Variants in DPYD observed in about 807,000 individuals in gnomAD.
The protein encoded by DPYD is dihydropyrimidine dehydrogenase [NADP(+)].
In DPYD, 109 loss-of-function variants were observed where a neutral mutation model predicts 116.2. The observed-to-expected ratio is 0.94, with a 90% confidence interval of 0.80 to 1.10. DPYD has a LOEUF of 1.10. DPYD is among the 50% of genes least tolerant of loss of function. DPYD has a pLI of 0.00. For missense variants in DPYD, 1,302 were observed against 1,254.5 expected (o/e 1.04, Z -0.57); for synonymous variants, 440 against 432.0 (o/e 1.02, Z -0.23).
At chr1:97,354,862 C>T (rs983345377) in intron 16 of DPYD, among the ~76,000 whole-genome samples, 5 of 152,172 alleles carry the variant, frequency 3.3e-5, no homozygotes, top group Non-Finnish European at 7.4e-5. Context: ...CCATGTATCA[C>T]ATTAATCACA....
intron 13 of DPYD, among the ~76,000 whole-genome samples, chr1:97,493,052 C>A (rs879283383): frequency 1.1e-4 from 17 of 152,202 alleles, no homozygotes; most frequent in Admixed American, 5.2e-4. Context: ...TTCTCCCTCA[C>A]TCATCTGTGA....
At chr1:97,624,405 A>G (rs1656803049) in intron 8 of DPYD, among the ~76,000 whole-genome samples, 1 of 152,104 alleles carries the variant, frequency 6.6e-6, no homozygotes, top group African/African-American at 2.4e-5. Flanking sequence ...GGAAATACAA[A>G]TTAAAACAAT....
chr1:97,244,690 AC>A (rs1461097717), intron 18 of DPYD, among the ~76,000 whole-genome samples: 1 of 152,042 alleles, frequency 6.6e-6, no homozygotes, highest in African/African-American at 2.4e-5. Flanking sequence ...TATGTATAAT[AC>A]CTTCATTGTA....
At chr1:97,358,926 C>T (rs530024189) in intron 16 of DPYD, among the ~76,000 whole-genome samples, 2 of 152,146 alleles carry the variant, frequency 1.3e-5, no homozygotes, top group East Asian at 1.9e-4. Context: ...CACAGCTCCT[C>T]GGCAGCAACA....
At position 97,535,824 on chromosome 1, in the gene DPYD, T is replaced by G. The variant is rs186533717; in HGVS notation, c.1524+13736A>C. Among the ~76,000 whole-genome samples, 5 of 152,290 alleles carry G rather than the reference T, an allele frequency of 3.3e-5. No homozygotes were observed. In the East Asian group the frequency reaches 9.7e-4, roughly 29 times the overall value. ...TAGAACATATGGATGTTACAAAAAA[T>G]AAATTCTCCTTTACAAACAAAAACC... is the stretch of plus-strand genomic sequence containing the variant. On this transcript the variant is annotated intron_variant, in intron 12 of 22. Coordinates refer to ENST00000370192, the MANE Select transcript of DPYD (RefSeq NM_000110.4).
intron 8 of DPYD, among the ~76,000 whole-genome samples, chr1:97,668,659 G>A (rs909892322): frequency 6.6e-6 from 1 of 151,974 alleles, no homozygotes; most frequent in Non-Finnish European, 1.5e-5. Flanking sequence ...AAGAGAAGTG[G>A]AAAAATACCT....
intron 20 of DPYD, among the ~76,000 whole-genome samples, chr1:97,137,149 G>A (rs1653870612): frequency 6.6e-6 from 1 of 152,176 alleles, no homozygotes. Flanking sequence ...TGTTGCTGTG[G>A]AACAGCAGGC....
At chr1:97,786,678 T>TGTG (rs1667054665) in intron 3 of DPYD, among the ~76,000 whole-genome samples, 3 of 152,238 alleles carry the variant, frequency 2.0e-5, no homozygotes, top group Non-Finnish European at 1.5e-5. Flanking sequence ...AGAGCAGCAC[T>TGTG]ATTTTTAGGC....
chr1:97,839,419 C>T (rs11165918), intron 2 of DPYD, among the ~76,000 whole-genome samples: 148,178 of 152,218 alleles, frequency 0.97, 72,246 homozygotes, highest in East Asian at 1. Context: ...TATGTTGCAG[C>T]TTTTTGTGTG....
intron 16 of DPYD, among the ~76,000 whole-genome samples, chr1:97,312,684 A>G (rs1021569489): frequency 1.3e-5 from 2 of 151,870 alleles, no homozygotes; most frequent in African/African-American, 4.8e-5. Context: ...TTTAAAATAT[A>G]AATATGTACA....
intron 2 of DPYD, among the ~76,000 whole-genome samples, chr1:97,840,033 C>G (rs919578063): frequency 9.2e-5 from 14 of 152,060 alleles, no homozygotes; most frequent in African/African-American, 2.7e-4. Context: ...AATATATTCT[C>G]AATAATTTTC....
At chr1:97,298,596 C>G (rs1216454007) in intron 18 of DPYD, among the ~76,000 whole-genome samples, 1 of 151,672 alleles carries the variant, frequency 6.6e-6, no homozygotes, top group Non-Finnish European at 1.5e-5. Context: ...GTTTCAAGAT[C>G]TTCAACTACG....
chr1:97,377,841 A>G (rs182033054), intron 15 of DPYD, among the ~76,000 whole-genome samples: 1 of 152,184 alleles, frequency 6.6e-6, no homozygotes, highest in Non-Finnish European at 1.5e-5. Context: ...AGCGGAGCAG[A>G]GCCAGAAGGA....
At chr1:97,241,375 T>C (rs949473220) in intron 18 of DPYD, among the ~76,000 whole-genome samples, 3 of 152,008 alleles carry the variant, frequency 2.0e-5, no homozygotes, top group Non-Finnish European at 4.4e-5. Context: ...CTGTGTACTT[T>C]AACCCTTGTA....
chr1:97,389,414 T>C (rs1442686607), intron 14 of DPYD, among the ~76,000 whole-genome samples: 2 of 145,670 alleles, frequency 1.4e-5, no homozygotes, highest in Non-Finnish European at 3.0e-5. Flanking sequence ...GTGTTGATAA[T>C]ATTTATGAAA....
intron 3 of DPYD, among the ~76,000 whole-genome samples, chr1:97,769,428 C>G (rs968599228): frequency 6.6e-6 from 1 of 152,068 alleles, no homozygotes; most frequent in South Asian, 2.1e-4. Flanking sequence ...TTTAACATAT[C>G]ATGCTGGAAA....
intron 12 of DPYD, among the ~76,000 whole-genome samples, chr1:97,544,557 A>G (rs936970563): frequency 1.3e-5 from 2 of 152,120 alleles, no homozygotes; most frequent in African/African-American, 2.4e-5. Context: ...TTCTCTACAC[A>G]TCAGATTTCT....
intron 8 of DPYD, among the ~76,000 whole-genome samples, chr1:97,619,932 G>A (rs1656527811): frequency 6.6e-6 from 1 of 151,726 alleles, no homozygotes; most frequent in Admixed American, 6.6e-5. Flanking sequence ...ATCTGTGATT[G>A]CCATGACTGA....
chr1:97,577,792 TA>T lies in DPYD; in HGVS notation c.1129-3823del, dbSNP rs201837522. On this transcript the variant is annotated intron_variant, in intron 10 of 22. Transcript: ENST00000370192. ...TTAACAAATCTATTATTTGTCTTGT[TA>T]TAAGTATTGTCTTATTATTTTTGTT... Among the ~76,000 whole-genome samples the T allele has an allele frequency of 4.6e-3, 699 of 152,200 alleles. 10 individuals carry two copies. The highest frequency in any genetic ancestry group is 0.016 in the African/African-American group (654 of 41,538).
Sources: allele counts gnomAD v4.1 joint callset (sites outside exome capture counted in the v4.1 genomes callset), GRCh38; gene constraint gnomAD v4.1.1; transcripts MANE v1.5; gene names NCBI Gene and HGNC (gene_info 2026-07-23, HGNC 2026-07-21).